NBAS: variants seen among roughly 807,000 people sequenced by gnomAD.
NBAS encodes NAG/BC035112 fusion.
A neutral mutation model predicts 302.5 loss-of-function variants in NBAS; 219 were observed. That is an observed-to-expected ratio of 0.72 (90% CI 0.65 to 0.81). The LOEUF (loss-of-function observed/expected upper bound fraction) is 0.81. Among genes scored for constraint, NBAS ranks in the 30% least tolerant of loss-of-function variants. NBAS has a pLI of 0.00. For missense variants in NBAS, 2,932 were observed against 2,841.6 expected (o/e 1.03, Z -0.72); for synonymous variants, 1,118 against 1,021.6 (o/e 1.09, Z -1.80).
At chr2:14,800,642 T>C in the NBAS span, among the ~76,000 whole-genome samples, 1 of 152,222 alleles carries the variant, frequency 6.6e-6, no homozygotes, top group Non-Finnish European at 1.5e-5. Context: ...TGTGACACTT[T>C]ATTACATTTA....
Position 15,417,838 on chromosome 2 carries a change from A to G in NBAS, c.2578-126T>C, listed in dbSNP as rs1289206936. On this transcript the variant is annotated intron_variant, in intron 23 of 51. Transcript: ENST00000281513. ...TTTATAAAATTGCATTACCAGTAAC[A>G]TACGTTTTTTATTTACTGCAAAAAC... 4 of 921,392 alleles carry G rather than the reference A, an allele frequency of 4.3e-6. No individual in the cohort carries two copies. The African/African-American group carries it at 5.0e-5, about 12-fold the overall frequency. 57.1% of individuals were successfully genotyped at this position (921,392 alleles called of 1,614,324 possible). A position where few individuals can be genotyped will look rare whatever the true frequency, so the allele number is the denominator to read the frequency against.
Position 15,415,624 on chromosome 2 carries a change from T to C in NBAS, c.2859A>G (p.Leu953=), listed in dbSNP as rs1207593672. ...EKQSPGVANE[L]LKEYLVTLAK... ...CTAAAGTTACTAAATATTCTTTTAA[T>C]AGCTCATTAGCCACACCAGGCGACT... Residue 953 remains leucine, a synonymous_variant, in exon 25 of 52, where the codon CTA becomes CTG. Transcript: ENST00000281513. 6.2e-6 allele frequency: 10 copies of C among 1,614,070 alleles called. No individual in the cohort carries two copies. Among genetic ancestry groups the C allele is most frequent in the Non-Finnish European group, 8.5e-6 (10 of 1,179,938 alleles).
At chr2:14,927,342 C>T in the NBAS span, among the ~76,000 whole-genome samples, 15 of 152,268 alleles carry the variant, frequency 9.9e-5, no homozygotes, top group South Asian at 4.1e-4. Flanking sequence ...TCTTTATGAC[C>T]GGCTTGACTC....
chr2:14,903,477 C>T, the NBAS span, among the ~76,000 whole-genome samples: 8 of 152,196 alleles, frequency 5.3e-5, no homozygotes, highest in Non-Finnish European at 1.2e-4. Context: ...TGGACCTGGC[C>T]CAGCACTTCA....
chr2:15,033,984 G>GGAAGAAGAAGAAGAAGAAGAAGAA, the NBAS span, among the ~76,000 whole-genome samples: 1,098 of 56,268 alleles, frequency 0.02, 41 homozygotes, highest in Middle Eastern at 0.039. Context: ...AAGAGGAAGA[G>GGAAGAAGAAGAAGAAGAAGAAGAA]GAAGAAGAAG....
At chr2:14,794,005 C>T in the NBAS span, among the ~76,000 whole-genome samples, 1 of 152,092 alleles carries the variant, frequency 6.6e-6, no homozygotes, top group Non-Finnish European at 1.5e-5. Flanking sequence ...TAAAGGAATA[C>T]ACTAAAAGGA....
At chr2:15,158,958 G>A in the NBAS span, among the ~76,000 whole-genome samples, 1 of 152,188 alleles carries the variant, frequency 6.6e-6, no homozygotes. Context: ...CCCTTCCAGA[G>A]TCCTCCCATT....
chr2:14,950,360 C>T, the NBAS span, among the ~76,000 whole-genome samples: 2 of 152,198 alleles, frequency 1.3e-5, no homozygotes, highest in Admixed American at 1.3e-4. Flanking sequence ...CTTTTTGTGG[C>T]TGAGTAGTAT....
chr2:14,880,820 T>C, the NBAS span, among the ~76,000 whole-genome samples: 5 of 152,002 alleles, frequency 3.3e-5, no homozygotes, highest in East Asian at 9.7e-4. Flanking sequence ...AGACCTACAA[T>C]GTACCTTGGG....
chr2:14,999,475 C>T, the NBAS span, among the ~76,000 whole-genome samples: 6 of 152,160 alleles, frequency 3.9e-5, no homozygotes, highest in African/African-American at 7.2e-5. Context: ...GTCATGGGGG[C>T]GGATTTCCCC....
At chr2:15,075,349 C>A in the NBAS span, among the ~76,000 whole-genome samples, 1 of 152,184 alleles carries the variant, frequency 6.6e-6, no homozygotes, top group Non-Finnish European at 1.5e-5. Flanking sequence ...TCTGTGTCAA[C>A]CTGCCCTCTG....
chr2:14,916,622 G>C, the NBAS span, among the ~76,000 whole-genome samples: 8 of 152,152 alleles, frequency 5.3e-5, no homozygotes, highest in Non-Finnish European at 1.2e-4. Flanking sequence ...AAGCTGAAAA[G>C]TGATTTTTCT....
At chr2:15,405,178 C>T (rs1676349831) in intron 25 of NBAS, among the ~76,000 whole-genome samples, 1 of 152,128 alleles carries the variant, frequency 6.6e-6, no homozygotes, top group Non-Finnish European at 1.5e-5. Flanking sequence ...TCAGCTTTCC[C>T]AGATGTCTAC....
At chr2:15,074,117 A>T in the NBAS span, among the ~76,000 whole-genome samples, 1 of 152,216 alleles carries the variant, frequency 6.6e-6, no homozygotes, top group Non-Finnish European at 1.5e-5. Flanking sequence ...AGACAGAGCA[A>T]CAGAATAGCT....
chr2:15,242,246 A>G (rs1343583184), intron 44 of NBAS, among the ~76,000 whole-genome samples: 1 of 152,216 alleles, frequency 6.6e-6, no homozygotes, highest in African/African-American at 2.4e-5. Flanking sequence ...CTTCATCACT[A>G]CAGTGTCATT....
At chr2:15,178,862 G>T in intron 51 of NBAS, 126 bp downstream of exon 51, 1 of 1,337,018 alleles carries the variant, frequency 7.5e-7, no homozygotes, top group Non-Finnish European at 1.0e-6. Flanking sequence ...ATTGTGGTCA[G>T]AGAATACTAT....
chr2:15,491,735 CAAAAAAGAAAAAA>C (rs960986866), intron 11 of NBAS, among the ~76,000 whole-genome samples: 66 of 144,876 alleles, frequency 4.6e-4, no homozygotes, highest in East Asian at 8.0e-4. Context: ...GACTCCATCT[CAAAAAAGAAAAAA>C]AAAAAAGAAA....
the NBAS span, among the ~76,000 whole-genome samples, chr2:14,946,609 C>T: frequency 6.6e-6 from 1 of 152,230 alleles, no homozygotes; most frequent in South Asian, 2.1e-4. Flanking sequence ...CTTCAACACC[C>T]CACTCTCAGT....
intron 35 of NBAS, among the ~76,000 whole-genome samples, chr2:15,331,496 A>AT (rs1224496398): frequency 1.3e-5 from 2 of 152,108 alleles, no homozygotes; most frequent in African/African-American, 2.4e-5. Context: ...TCCACTTACT[A>AT]TTTTTTTCTT....
Sources: gnomAD v4.1 joint callset for allele counts (sites outside exome capture counted in the v4.1 genomes callset) on GRCh38, gnomAD v4.1.1 for gene constraint, MANE v1.5 for transcripts, NCBI Gene and HGNC (gene_info 2026-07-23, HGNC 2026-07-21) for gene names.